Variants in SGCD observed in about 807,000 individuals in gnomAD.
SGCD encodes sarcoglycan delta.
SGCD carries 18 observed loss-of-function variants against 36.6 expected under a neutral mutation model. That is an observed-to-expected ratio of 0.49 (90% CI 0.34 to 0.73). The LOEUF (loss-of-function observed/expected upper bound fraction) is 0.73. SGCD is among the 30% of genes least tolerant of loss of function. SGCD has a pLI of 0.01. For missense variants in SGCD, 387 were observed against 346.7 expected (o/e 1.12, Z -0.92); for synonymous variants, 133 against 130.6 (o/e 1.02, Z -0.12).
intron 3 of SGCD, among the ~76,000 whole-genome samples, chr5:156,427,517 A>G (rs1246009832): frequency 6.6e-6 from 1 of 152,016 alleles, no homozygotes; most frequent in East Asian, 1.9e-4. Context: ...TCCAATTCGG[A>G]GGCCCTTTCT....
intron 4 of SGCD, among the ~76,000 whole-genome samples, chr5:156,545,242 A>G (rs540949523): frequency 1.3e-5 from 2 of 152,302 alleles, no homozygotes; most frequent in East Asian, 1.9e-4. Context: ...CTTGTCAAAA[A>G]GTACCTTTTT....
rs1026711522 is a variant in SGCD, at chr5:156,764,894, G to C, written c.*5504G>C. On this transcript the variant is annotated 3_prime_UTR_variant, in exon 9 of 9. Transcript: ENST00000337851. Reference sequence around the variant, plus strand: ...ATCATCACCCATTTTGAGATATGCAGGTGGAATAGAACAAAGAAACAGCCA... The same window carrying C: ...ATCATCACCCATTTTGAGATATGCACGTGGAATAGAACAAAGAAACAGCCA... The C allele has an allele frequency of 3.9e-5, 6 of 152,164 alleles. No homozygotes were observed. Among genetic ancestry groups the C allele is most frequent in the Admixed American group, 1.3e-4 (2 of 15,274 alleles). 9.4% of individuals were successfully genotyped at this position (152,164 alleles called of 1,614,324 possible). A position where few individuals can be genotyped will look rare whatever the true frequency, so the allele number is the denominator to read the frequency against.
chr5:156,251,915 A>G (rs934260313), intron 3 of SGCD, among the ~76,000 whole-genome samples: 1 of 152,180 alleles, frequency 6.6e-6, no homozygotes, highest in East Asian at 1.9e-4. Flanking sequence ...ACCTTGGACC[A>G]TAGTTTACTT....
At chr5:156,021,843 G>C (rs984607917) in intron 1 of SGCD, among the ~76,000 whole-genome samples, 5 of 152,128 alleles carry the variant, frequency 3.3e-5, no homozygotes, top group African/African-American at 9.7e-5. Context: ...ATTTGGCCCT[G>C]GTGGTAAATG....
chr5:156,727,313 C>A (rs929661974), intron 7 of SGCD, among the ~76,000 whole-genome samples: 31 of 152,108 alleles, frequency 2.0e-4, no homozygotes, highest in Admixed American at 2.0e-3. Flanking sequence ...AAACTGATAA[C>A]AAGGGTAGCA....
chr5:156,566,652 A>G (rs183672092), intron 4 of SGCD, among the ~76,000 whole-genome samples: 49 of 152,196 alleles, frequency 3.2e-4, no homozygotes, highest in Admixed American at 8.5e-4. Flanking sequence ...TAAAAGAGAA[A>G]TATAACACTA....
At chr5:156,480,823 G>A (rs1477716910) in intron 3 of SGCD, among the ~76,000 whole-genome samples, 1 of 152,126 alleles carries the variant, frequency 6.6e-6, no homozygotes, top group African/African-American at 2.4e-5. Context: ...ATTAAGGAAC[G>A]TGCTCAATGG....
intron 3 of SGCD, among the ~76,000 whole-genome samples, chr5:156,232,331 C>T (rs1308095132): frequency 6.6e-6 from 1 of 152,212 alleles, no homozygotes; most frequent in African/African-American, 2.4e-5. Context: ...CCAATATCTG[C>T]TTCTAAAACT....
rs572137292 is a variant in SGCD at position 156,522,542 on chromosome 5, T to C, written c.294+13840T>C. ...GTGGGAGCTGAACAATGAGAACATA[T>C]GGACACGGGGAGAGGAACAACACAC... On this transcript the variant is annotated intron_variant, in intron 4 of 8. Coordinates refer to ENST00000337851, the MANE Select transcript of SGCD (RefSeq NM_000337.6). Among the ~76,000 whole-genome samples, 10 of 152,050 alleles carry C rather than the reference T, an allele frequency of 6.6e-5. No individual in the cohort carries two copies. In the South Asian group the frequency reaches 2.1e-3, roughly 32 times the overall value.
chr5:156,132,170 G>A (rs1251781166), intron 3 of SGCD, among the ~76,000 whole-genome samples: 2 of 152,118 alleles, frequency 1.3e-5, no homozygotes, highest in African/African-American at 4.8e-5. Context: ...TCATCACTGA[G>A]GGTGGGGAGA....
At chr5:156,201,355 A>G (rs62380745) in intron 3 of SGCD, among the ~76,000 whole-genome samples, 46,977 of 152,102 alleles carry the variant, frequency 0.31, 7,732 homozygotes, top group East Asian at 0.6. Flanking sequence ...AAACTGAGGA[A>G]CAGAAAGTAT....
At chr5:155,923,435 A>G (rs2113378475) in intron 1 of SGCD, among the ~76,000 whole-genome samples, 1 of 152,146 alleles carries the variant, frequency 6.6e-6, no homozygotes, top group Middle Eastern at 3.4e-3. Context: ...GTCAATCTGA[A>G]CCACAAAGAC....
intron 8 of SGCD, among the ~76,000 whole-genome samples, chr5:156,758,387 GTGT>G (rs1490926902): frequency 7.6e-4 from 96 of 126,898 alleles, no homozygotes; most frequent in African/African-American, 2.1e-3. Flanking sequence ...AAAAATCTGT[GTGT>G]TTTTTTTTTT....
intron 3 of SGCD, among the ~76,000 whole-genome samples, chr5:156,425,195 T>C (rs1773621357): frequency 6.6e-6 from 1 of 152,050 alleles, no homozygotes. Flanking sequence ...GTCAGTGCAC[T>C]GAAAGCTGGT....
At chr5:156,429,189 G>A (rs376588514) in intron 3 of SGCD, among the ~76,000 whole-genome samples, 22 of 150,686 alleles carry the variant, frequency 1.5e-4, no homozygotes, top group African/African-American at 4.4e-4. Context: ...TTAAGTGTTC[G>A]GTGCATATAT....
chr5:156,131,853 C>T (rs185372129), intron 3 of SGCD, among the ~76,000 whole-genome samples: 101 of 152,278 alleles, frequency 6.6e-4, no homozygotes, highest in Admixed American at 3.5e-3. Context: ...TTGGGAACAT[C>T]GAAGAGCTGA....
intron 5 of SGCD, among the ~76,000 whole-genome samples, chr5:156,592,742 T>TG (rs1490235997): frequency 1.3e-5 from 2 of 152,276 alleles, no homozygotes; most frequent in East Asian, 3.9e-4. Context: ...TCAGATAAGA[T>TG]GACTTCCGGG....
chr5:156,441,859 A>G (rs1349478214), intron 3 of SGCD, among the ~76,000 whole-genome samples: 1 of 152,174 alleles, frequency 6.6e-6, no homozygotes, highest in Non-Finnish European at 1.5e-5. Context: ...CTGCAAATGA[A>G]TAAGTTGCTC....
intron 3 of SGCD, among the ~76,000 whole-genome samples, chr5:156,448,256 C>T (rs1156967090): frequency 6.6e-6 from 1 of 152,112 alleles, no homozygotes; most frequent in East Asian, 1.9e-4. Flanking sequence ...ATTCCCTTTC[C>T]ACTCATTGCT....
Sources: gnomAD v4.1 joint callset for allele counts (sites outside exome capture counted in the v4.1 genomes callset) on GRCh38, gnomAD v4.1.1 for gene constraint, MANE v1.5 for transcripts, NCBI Gene and HGNC (gene_info 2026-07-23, HGNC 2026-07-21) for gene names.